The following LRP1B variants were observed in gnomAD, a reference collection of about 807,000 sequenced individuals.
The protein encoded by LRP1B is low-density lipoprotein receptor-related protein 1B.
A neutral mutation model predicts 556.6 loss-of-function variants in LRP1B; 217 were observed. The observed-to-expected ratio is 0.39, with a 90% CI of 0.35 to 0.44. LRP1B has a LOEUF of 0.44. LRP1B is among the 20% of genes least tolerant of loss of function. The probability of loss-of-function intolerance (pLI) is 1.00; values close to 1 mark genes in which losing one functional copy is unlikely to be tolerated. For synonymous variants in LRP1B, 2,047 were observed against 1,865.8 expected (o/e 1.10, Z -2.50); for missense variants, 5,053 against 5,620.8 (o/e 0.90, Z 3.23).
At chr2:141,437,755 T>C (rs1414144123) in intron 3 of LRP1B, among the ~76,000 whole-genome samples, 1 of 151,778 alleles carries the variant, frequency 6.6e-6, no homozygotes, top group East Asian at 1.9e-4. Flanking sequence ...TCTTTTCTAG[T>C]CACAAGTATT....
At chr2:140,645,603 G>C (rs1283500223) in intron 41 of LRP1B, among the ~76,000 whole-genome samples, 1 of 125,840 alleles carries the variant, frequency 7.9e-6, no homozygotes, top group East Asian at 2.6e-4. Context: ...GCAGTGACAC[G>C]ATCTCCGCTC....
intron 32 of LRP1B, among the ~76,000 whole-genome samples, chr2:140,808,831 T>C (rs1690819279): frequency 6.6e-6 from 1 of 152,234 alleles, no homozygotes; most frequent in African/African-American, 2.4e-5. Context: ...GACATTAGTA[T>C]GTCCTTAATT....
intron 41 of LRP1B, among the ~76,000 whole-genome samples, chr2:140,629,189 G>T (rs1683787754): frequency 6.6e-6 from 1 of 151,576 alleles, no homozygotes; most frequent in Admixed American, 6.6e-5. Context: ...GGGTAGGTGG[G>T]ACAACAGTTG....
At chr2:142,098,355 A>G (rs1460755352) in intron 1 of LRP1B, among the ~76,000 whole-genome samples, 1 of 151,840 alleles carries the variant, frequency 6.6e-6, no homozygotes, top group Admixed American at 6.6e-5. Context: ...AATGTTTACA[A>G]TACTTCAAAG....
chr2:140,677,182 C>A (rs560873564), intron 41 of LRP1B, among the ~76,000 whole-genome samples: 4 of 152,252 alleles, frequency 2.6e-5, no homozygotes, highest in Non-Finnish European at 4.4e-5. Context: ...GAGTAGTCAA[C>A]AATTTCAACA....
intron 21 of LRP1B, among the ~76,000 whole-genome samples, chr2:140,914,909 C>T (rs948985743): frequency 1.3e-5 from 2 of 152,090 alleles, no homozygotes; most frequent in African/African-American, 2.4e-5. Flanking sequence ...GTTCTAGGCA[C>T]TCTTTGTACA....
At chr2:140,233,447 T>G (rs912012547) in intron 90 of LRP1B, 121 bp from the exon 91 acceptor site, 11 of 589,236 alleles carry the variant, frequency 1.9e-5, no homozygotes, top group Admixed American at 7.3e-5. Context: ...TTTAATTTAT[T>G]AAATAGTAAT....
chr2:141,870,493 A>G (rs952373295), intron 1 of LRP1B, among the ~76,000 whole-genome samples: 2 of 152,000 alleles, frequency 1.3e-5, no homozygotes, highest in African/African-American at 4.8e-5. Context: ...TTTGAAAATT[A>G]TTCATATCTG....
intron 1 of LRP1B, among the ~76,000 whole-genome samples, chr2:142,029,635 T>A (rs1423075803): frequency 6.6e-6 from 1 of 151,894 alleles, no homozygotes; most frequent in Non-Finnish European, 1.5e-5. Flanking sequence ...TCCAGAGCTG[T>A]TCATGATTTA....
At chr2:140,289,149 G>A (rs943745949) in intron 84 of LRP1B, among the ~76,000 whole-genome samples, 2 of 151,942 alleles carry the variant, frequency 1.3e-5, no homozygotes, top group African/African-American at 2.4e-5. Flanking sequence ...GTTCCGTGGT[G>A]TACAGATAAA....
intron 3 of LRP1B, among the ~76,000 whole-genome samples, chr2:141,360,529 G>T (rs1688784633): frequency 1.3e-5 from 2 of 151,896 alleles, no homozygotes. Context: ...CTTTACTTTT[G>T]TTCTTTCTTT....
intron 3 of LRP1B, among the ~76,000 whole-genome samples, chr2:141,463,595 A>T (rs1455162983): frequency 2.5e-4 from 9 of 36,286 alleles, no homozygotes; most frequent in African/African-American, 1.2e-3. Flanking sequence ...TATATAATAT[A>T]TATTATATAT....
chr2:140,908,009 C>T lies in LRP1B; in HGVS notation c.3388G>A (p.Asp1130Asn), dbSNP rs2105232210. 1 of 1,613,534 alleles carries T rather than the reference C, an allele frequency of 6.2e-7. No individual in the cohort carries two copies. Among genetic ancestry groups the T allele is most frequent in the Non-Finnish European group, 8.5e-7 (1 of 1,179,692 alleles). ...IDCEDQSDED[D>N]CDSFLCGPPK... ...GGTCCACACAAGAAACTGTCACAGTCATCTTCATCTGACTGATCTTCGCAA... is the reference window on the plus strand; with the variant it reads ...GGTCCACACAAGAAACTGTCACAGTTATCTTCATCTGACTGATCTTCGCAA... The change falls in exon 22 of 91, where the codon GAC (aspartate) becomes AAC (asparagine). Residue 1130 changes from aspartate (D) to asparagine (N), a missense_variant. Physicochemically the swap from Asp to Asn is conservative, Grantham distance 23. Transcript: ENST00000389484.
At chr2:141,581,939 G>T (rs778747118) in intron 2 of LRP1B, among the ~76,000 whole-genome samples, 37 of 152,094 alleles carry the variant, frequency 2.4e-4, no homozygotes, top group Admixed American at 7.2e-4. Context: ...TTACCACAAG[G>T]ATGGCTCAAG....
At position 140,270,171 on chromosome 2, in the gene LRP1B, TAATAG is replaced by T. The variant is rs1403310882; in HGVS notation, c.13247+66_13247+70del. ...TTAAAATTACCCCAGAAAAGGAGAA[TAATAG>T]AACAGGGATTTCATGTACATACAAA... On this transcript the variant is annotated intron_variant, in intron 86 of 90. Transcript: ENST00000389484. 1.8e-5 allele frequency: 19 copies of T among 1,074,748 alleles called. No homozygotes were observed. In the East Asian group the frequency reaches 4.3e-4, roughly 24 times the overall value. The allele number at this position is 1,074,748 out of a possible 1,614,324, so 66.6% of individuals were successfully genotyped here.
chr2:141,495,464 G>A (rs1214647312), intron 2 of LRP1B, among the ~76,000 whole-genome samples: 2 of 152,116 alleles, frequency 1.3e-5, no homozygotes, highest in Non-Finnish European at 2.9e-5. Context: ...CAACAGACAT[G>A]ACCCAGTTTC....
At chr2:140,248,918 T>G (rs965011228) in intron 86 of LRP1B, among the ~76,000 whole-genome samples, 2 of 151,434 alleles carry the variant, frequency 1.3e-5, no homozygotes, top group Non-Finnish European at 3.0e-5. Context: ...ACTGAAAAAC[T>G]AATCCTGACT....
At chr2:141,165,304 TACTA>T (rs1332885275) in intron 7 of LRP1B, among the ~76,000 whole-genome samples, 19 of 151,224 alleles carry the variant, frequency 1.3e-4, no homozygotes, top group Non-Finnish European at 1.9e-4. Flanking sequence ...CTTCCCAATA[TACTA>T]GGTTGCACTT....
At chr2:141,532,882 A>G (rs1475172939) in intron 2 of LRP1B, among the ~76,000 whole-genome samples, 4 of 152,150 alleles carry the variant, frequency 2.6e-5, no homozygotes, top group Non-Finnish European at 5.9e-5. Flanking sequence ...GCTACTTGGG[A>G]GGCTGAGGCA....
Sources: gnomAD v4.1 joint callset for allele counts (sites outside exome capture counted in the v4.1 genomes callset) on GRCh38, gnomAD v4.1.1 for gene constraint, MANE v1.5 for transcripts, NCBI Gene and HGNC (gene_info 2026-07-23, HGNC 2026-07-21) for gene names.